The following UNC45B variants were observed in gnomAD, a reference collection of about 807,000 sequenced individuals.
UNC45B encodes the protein unc-45 myosin chaperone B, also known as protein unc-45 homolog B.
Under a neutral mutation model 98.7 loss-of-function variants are expected in UNC45B, and 78 were observed. The ratio of observed to expected loss-of-function variants is 0.79; its 90% CI spans 0.66 to 0.95. UNC45B has a LOEUF of 0.95. Ranked by LOEUF, UNC45B falls within the 40% of genes least tolerant of loss-of-function variation. UNC45B has a pLI of 0.00. For missense variants in UNC45B, 1,225 were observed against 1,184.9 expected, an observed-to-expected ratio of 1.03 and a Z score of -0.50; for synonymous variants, 462 against 480.4, an observed-to-expected ratio of 0.96 and a Z score of 0.50.
intron 16 of UNC45B, 141 bp downstream of exon 16, chr17:35,177,271 A>T: frequency 1.2e-6 from 1 of 836,802 alleles, no homozygotes; most frequent in East Asian, 2.7e-5. Context: ...AGGCACCTGG[A>T]TTCCAGGCCT....
intron 5 of UNC45B, among the ~76,000 whole-genome samples, chr17:35,154,049 A>C (rs999123831): frequency 6.6e-6 from 1 of 152,182 alleles, no homozygotes; most frequent in African/African-American, 2.4e-5. Flanking sequence ...AAGCTCATAC[A>C]GCTAGCAGGG....
chr17:35,174,821 A>G (rs985240686), intron 14 of UNC45B, among the ~76,000 whole-genome samples: 2 of 151,426 alleles, frequency 1.3e-5, no homozygotes, highest in East Asian at 1.9e-4. Context: ...TCCTGTCTCT[A>G]TACAAAAGAG....
chr17:35,163,198 A>T (rs1188705443), intron 8 of UNC45B, among the ~76,000 whole-genome samples: 3 of 152,244 alleles, frequency 2.0e-5, no homozygotes, highest in Non-Finnish European at 2.9e-5. Context: ...AGTGCTCAGA[A>T]TAAATTGCAG....
rs1219569673 is a variant in UNC45B, at chr17:35,188,764, A to G, written c.*2205A>G. The G allele has an allele frequency of 6.6e-6, 1 of 152,196 alleles. No individual in the cohort carries two copies. The highest frequency in any genetic ancestry group is 1.5e-5 in the Non-Finnish European group (1 of 68,024). The allele number at this position is 152,196 out of a possible 1,614,324, so 9.4% of individuals were successfully genotyped here. A position where few individuals can be genotyped will look rare whatever the true frequency, so the allele number is the denominator to read the frequency against. The stretch of plus-strand genomic sequence containing the variant: ...ATCTAGAGGAAAGCTGAATTCCTTC[A>G]TCTGATTTTTGCCACTGGGCTGCCT... On this transcript the variant is annotated 3_prime_UTR_variant, in exon 20 of 20. Coordinates refer to ENST00000394570, the MANE Select transcript of UNC45B (RefSeq NM_001267052.2).
chr17:35,183,402 T>C, intron 18 of UNC45B, 25 bp from the exon 19 acceptor site: 1 of 1,510,024 alleles, frequency 6.6e-7, no homozygotes, highest in South Asian at 1.3e-5. Flanking sequence ...CAGTTTTCTC[T>C]GAGCCATGTT....
chr17:35,171,275 T>TA (rs769827368), intron 12 of UNC45B, 47 bp from the exon 13 acceptor site: 1 of 1,602,254 alleles, frequency 6.2e-7, no homozygotes, highest in East Asian at 2.2e-5. Context: ...AGGTTTGTCC[T>TA]AAAGTTTCCT....
At chr17:35,162,074 T>C (rs114702602) in intron 8 of UNC45B, among the ~76,000 whole-genome samples, 1,541 of 152,292 alleles carry the variant, frequency 0.01, 36 homozygotes, top group African/African-American at 0.034. Flanking sequence ...AGTTTCTGTT[T>C]TTGTTGTTGT....
At chr17:35,178,878 G>T (rs1042863948) in intron 17 of UNC45B, among the ~76,000 whole-genome samples, 3 of 152,178 alleles carry the variant, frequency 2.0e-5, no homozygotes, top group African/African-American at 7.2e-5. Context: ...TGAGGCCTCT[G>T]TTCTGTTCCA....
rs1011613560 is a variant in UNC45B at position 35,177,082 on chromosome 17, A to G, written c.2091A>G (p.Ala697=). ...AGGTGAAGGCAGCCCACGCTCTAGC[A>G]AAGATCGCTGCTGTCTCCAATCCGG... is the stretch of plus-strand genomic sequence containing the variant. The part of the protein sequence containing the change: ...VGKVKAAHAL[A]KIAAVSNPDI... The change falls in exon 16 of 20, where the codon GCA becomes GCG. Residue 697 remains alanine (A), a synonymous_variant. Transcript: ENST00000394570. 1.9e-6 allele frequency: 3 copies of G among 1,614,220 alleles called. No individual in the cohort carries two copies. Among genetic ancestry groups the G allele is most frequent in the Non-Finnish European group, 8.5e-7 (1 of 1,180,048 alleles).
At chr17:35,180,506 A>T in intron 17 of UNC45B, 53 bp from the exon 18 acceptor site, 1 of 1,479,760 alleles carries the variant, frequency 6.8e-7, no homozygotes, top group Non-Finnish European at 9.4e-7. Context: ...GAAAACCCCT[A>T]TGGTCACGGC....
intron 16 of UNC45B, 26 bp from the exon 17 acceptor site, chr17:35,177,469 C>T: frequency 6.5e-7 from 1 of 1,536,568 alleles, no homozygotes; most frequent in Middle Eastern, 1.7e-4. Flanking sequence ...CCTCACCTGA[C>T]CAAACCCTTG....
chr17:35,153,076 C>A, intron 5 of UNC45B, 94 bp downstream of exon 5: 1 of 1,087,608 alleles, frequency 9.2e-7, no homozygotes, highest in Non-Finnish European at 1.3e-6. Context: ...GGAGGCCTGT[C>A]TTTGCAGCCC....
intron 3 of UNC45B, 137 bp downstream of exon 3, chr17:35,149,146 G>C: frequency 9.3e-7 from 1 of 1,069,560 alleles, no homozygotes; most frequent in Admixed American, 2.0e-5. Flanking sequence ...GCTGGAGAAG[G>C]GACTGGAAAC....
At position 35,169,862 on chromosome 17, in the gene UNC45B, G is replaced by A. The variant is rs1168158510; in HGVS notation, c.1478G>A (p.Gly493Asp). Residue 493 changes from glycine (G) to aspartate (D), a missense_variant, in exon 11 of 20, where the codon GGT becomes GAT. Gly to Asp is a moderately conservative substitution (Grantham distance 94, BLOSUM62 -1). Transcript: ENST00000394570. ...GGACTCTGTAAGCTCGGCTCTGCAG[G>A]TGGCACAGACTACGGTCTCAGGCAG... is the stretch of plus-strand genomic sequence containing the variant. Reference protein sequence around the residue: ...LVGLCKLGSAGGTDYGLRQFA... With the variant: ...LVGLCKLGSADGTDYGLRQFA... The A allele has an allele frequency of 1.9e-6, 3 of 1,614,048 alleles. No individual in the cohort carries two copies. The highest frequency in any genetic ancestry group is 1.7e-6 in the Non-Finnish European group (2 of 1,180,034).
chr17:35,180,768 A>G (rs1374674776), intron 18 of UNC45B, 92 bp downstream of exon 18: 25 of 893,386 alleles, frequency 2.8e-5, no homozygotes, highest in Non-Finnish European at 4.1e-5. Context: ...GGGAGCTCTT[A>G]TGATGGCATT....
intron 16 of UNC45B, 56 bp downstream of exon 16, chr17:35,177,186 A>G (rs892907383): frequency 1.4e-5 from 21 of 1,493,476 alleles, no homozygotes; most frequent in Non-Finnish European, 1.9e-6. Context: ...TTGCTCCTAG[A>G]GGCCTTTCCC....
chr17:35,148,880 G>A, intron 2 of UNC45B, 93 bp from the exon 3 acceptor site: 1 of 1,509,928 alleles, frequency 6.6e-7, no homozygotes, highest in South Asian at 1.2e-5. Context: ...GCTCCCCCAG[G>A]AAACCCTCTC....
rs56300196 is a variant in UNC45B at position 35,180,253 on chromosome 17, T to TGAGAGAGAGAGAGAGAGAGAGAGA, written c.2256-293_2256-270dup. The stretch of plus-strand genomic sequence containing the variant: ...CATCTTCTTGGATCTACATCCAGGA[T>TGAGAGAGAGAGAGAGAGAGAGAGA]GAGAGAGAGAGAGAGAGAGAGAGAG... On this transcript the variant is annotated intron_variant, in intron 17 of 19. Transcript: ENST00000394570. 7.9e-5 allele frequency among the ~76,000 whole-genome samples: 11 copies of TGAGAGAGAGAGAGAGAGAGAGAGA among 139,960 alleles called. 1 individual carries two copies. The East Asian group carries it at 1.6e-3, about 20-fold the overall frequency. 91.8% of individuals were successfully genotyped at this position (139,960 alleles called of 152,430 possible). A position where few individuals can be genotyped will look rare whatever the true frequency, so the allele number is the denominator to read the frequency against.
intron 17 of UNC45B, 111 bp from the exon 18 acceptor site, chr17:35,180,448 A>T (rs2092265733): frequency 1.3e-6 from 1 of 779,202 alleles, no homozygotes. Flanking sequence ...CTGGCTGAGG[A>T]TGTGGGAAGG....
Sources: gnomAD v4.1 joint callset for allele counts (sites outside exome capture counted in the v4.1 genomes callset) on GRCh38, gnomAD v4.1.1 for gene constraint, MANE v1.5 for transcripts, NCBI Gene and HGNC (gene_info 2026-07-23, HGNC 2026-07-21) for gene names.